SLC5A4: variants seen among roughly 807,000 people sequenced by gnomAD.
SLC5A4 encodes the protein probable glucose sensor protein SLC5A4.
SLC5A4 carries 55 observed loss-of-function variants against 70.3 expected under a neutral mutation model. The ratio of observed to expected loss-of-function variants is 0.78; its 90% CI spans 0.63 to 0.98. The LOEUF is 0.98. Among genes scored for constraint, SLC5A4 ranks in the 50% least tolerant of loss-of-function variants. SLC5A4 has a pLI of 0.00. For synonymous variants in SLC5A4, 268 were observed against 305.7 expected, an observed-to-expected ratio of 0.88 and a Z score of 1.29; for missense variants, 735 against 839.2, an observed-to-expected ratio of 0.88 and a Z score of 1.53.
At chr22:32,352,120 A>G in the SLC5A4 span, among the ~76,000 whole-genome samples, 1 of 152,054 alleles carries the variant, frequency 6.6e-6, no homozygotes, top group Non-Finnish European at 1.5e-5. Context: ...CTTTGTAAGG[A>G]CATGGATGAA....
chr22:32,338,226 G>A, the SLC5A4 span, among the ~76,000 whole-genome samples: 1 of 152,152 alleles, frequency 6.6e-6, no homozygotes, highest in Non-Finnish European at 1.5e-5. Context: ...GAAACGTGGG[G>A]GATAAATGTT....
At chr22:32,303,106 CTCAA>C in the SLC5A4 span, among the ~76,000 whole-genome samples, 6 of 152,164 alleles carry the variant, frequency 3.9e-5, no homozygotes, top group South Asian at 4.1e-4. Context: ...TGAGACAGAT[CTCAA>C]TCAATTTAGA....
chr22:32,334,811 G>A, the SLC5A4 span, among the ~76,000 whole-genome samples: 1 of 152,194 alleles, frequency 6.6e-6, no homozygotes, highest in Non-Finnish European at 1.5e-5. Context: ...CCTGAAGGGT[G>A]ACAAGGACAT....
chr22:32,270,404 A>G, the SLC5A4 span: 1 of 1,458,030 alleles, frequency 6.9e-7, no homozygotes, highest in Non-Finnish European at 9.6e-7. Context: ...CCCGGCTGCT[A>G]CGACATGTGG....
chr22:32,331,445 C>A, the SLC5A4 span, among the ~76,000 whole-genome samples: 2 of 152,104 alleles, frequency 1.3e-5, no homozygotes, highest in Non-Finnish European at 2.9e-5. Flanking sequence ...CCAGGAAATA[C>A]CAAAATAAAG....
the SLC5A4 span, among the ~76,000 whole-genome samples, chr22:32,348,622 TTAA>T: frequency 1.3e-5 from 2 of 152,246 alleles, no homozygotes; most frequent in African/African-American, 2.4e-5. Context: ...AAGCTACTTT[TTAA>T]TAATAAAATT....
At chr22:32,299,024 G>A in the SLC5A4 span, among the ~76,000 whole-genome samples, 23 of 142,184 alleles carry the variant, frequency 1.6e-4, no homozygotes, top group Non-Finnish European at 9.1e-5. Flanking sequence ...CGAGAGATCC[G>A]CTGTTAGTCT....
the SLC5A4 span, among the ~76,000 whole-genome samples, chr22:32,261,466 G>T: frequency 6.6e-6 from 1 of 152,216 alleles, no homozygotes; most frequent in East Asian, 1.9e-4. Flanking sequence ...CATTCACATG[G>T]CAAGACAGAG....
chr22:32,326,220 G>T, the SLC5A4 span, among the ~76,000 whole-genome samples: 9,920 of 151,914 alleles, frequency 0.065, 624 homozygotes, highest in East Asian at 0.33. Context: ...GCTTCTGATA[G>T]TTGGCGCTGA....
chr22:32,329,096 G>A, the SLC5A4 span, among the ~76,000 whole-genome samples: 2 of 152,234 alleles, frequency 1.3e-5, no homozygotes. Flanking sequence ...CTGGCGTCTG[G>A]ATCAGGCTTC....
chr22:32,307,272 C>A, the SLC5A4 span, among the ~76,000 whole-genome samples: 4 of 151,968 alleles, frequency 2.6e-5, no homozygotes, highest in African/African-American at 9.7e-5. Context: ...AACTAATAGT[C>A]AAATCTGCTC....
chr22:32,277,169 A>C, the SLC5A4 span: 1 of 152,152 alleles, frequency 6.6e-6, no homozygotes, highest in East Asian at 1.9e-4. Flanking sequence ...AATCAACTAC[A>C]CATCCCTTTA....
intron 13 of SLC5A4, among the ~76,000 whole-genome samples, chr22:32,221,500 C>G (rs1057040833): frequency 6.6e-6 from 1 of 152,146 alleles, no homozygotes; most frequent in Non-Finnish European, 1.5e-5. Context: ...GCAATTAGTA[C>G]CCTTACACAC....
chr22:32,281,898 C>T, the SLC5A4 span, among the ~76,000 whole-genome samples: 1 of 152,222 alleles, frequency 6.6e-6, no homozygotes, highest in Non-Finnish European at 1.5e-5. Context: ...GGCTGGAGCG[C>T]AGTGGCACGA....
At chr22:32,317,140 GCCA>G in the SLC5A4 span, among the ~76,000 whole-genome samples, 1 of 151,888 alleles carries the variant, frequency 6.6e-6, no homozygotes, top group Non-Finnish European at 1.5e-5. Flanking sequence ...ACCAAACTTT[GCCA>G]CCAAGAAGTC....
chr22:32,316,528 C>CT, the SLC5A4 span, among the ~76,000 whole-genome samples: 93,990 of 150,254 alleles, frequency 0.63, 29,427 homozygotes, highest in South Asian at 0.72. Context: ...AGCATTAGTG[C>CT]TTTTTTTTTA....
At chr22:32,331,165 TGGG>T in the SLC5A4 span, among the ~76,000 whole-genome samples, 3 of 97,304 alleles carry the variant, frequency 3.1e-5, no homozygotes, top group East Asian at 6.9e-4. Flanking sequence ...GTGTGTGTGT[TGGG>T]GGGCTCTGGT....
At chr22:32,290,015 T>G in the SLC5A4 span, among the ~76,000 whole-genome samples, 1 of 152,184 alleles carries the variant, frequency 6.6e-6, no homozygotes, top group East Asian at 1.9e-4. Context: ...CTAGAAGAGC[T>G]TATGATTGGC....
chr22:32,351,360 A>G, the SLC5A4 span, among the ~76,000 whole-genome samples: 1 of 151,984 alleles, frequency 6.6e-6, no homozygotes, highest in Admixed American at 6.6e-5. Context: ...TAATTATCCA[A>G]CTGATTTTTT....
Sources: gnomAD v4.1 joint callset for allele counts (sites outside exome capture counted in the v4.1 genomes callset) on GRCh38, gnomAD v4.1.1 for gene constraint, MANE v1.5 for transcripts, NCBI Gene and HGNC (gene_info 2026-07-23, HGNC 2026-07-21) for gene names.